Variants in MICALL1 observed in about 807,000 individuals in gnomAD.
MICALL1 encodes MICAL like 1.
A neutral mutation model predicts 83.7 loss-of-function variants in MICALL1; 61 were observed. The observed-to-expected ratio is 0.73, with a 90% CI of 0.59 to 0.90. The LOEUF is 0.90. Ranked by LOEUF, MICALL1 falls within the 40% of genes least tolerant of loss-of-function variation. The probability of loss-of-function intolerance (pLI) is 0.00; values close to 1 mark genes in which losing one functional copy is unlikely to be tolerated. For synonymous variants in MICALL1, 481 were observed against 473.6 expected, an observed-to-expected ratio of 1.02 and a Z score of -0.20; for missense variants, 1,066 against 1,152.0, an observed-to-expected ratio of 0.93 and a Z score of 1.08.
chr22:37,912,422 C>T lies in MICALL1; in HGVS notation c.267C>T (p.Ser89=), dbSNP rs146083250. 46 of 1,614,016 alleles carry T rather than the reference C, an allele frequency of 2.9e-5. No individual in the cohort carries two copies. The African/African-American group carries it at 2.9e-4, about 10-fold the overall frequency. The part of the protein sequence containing the change: ...LLDPNDMVSM[S]VPDCLSIMTY... ...ACCCCAATGACATGGTCTCCATGAG[C>T]GTCCCTGACTGCCTCAGCATCATGA... The change falls in exon 3 of 16, where the codon AGC becomes AGT. Residue 89 remains serine, a synonymous_variant. Transcript: ENST00000215957.
rs750727475 is a variant in MICALL1 at position 37,925,789 on chromosome 22, A to G, written c.1211A>G (p.Asn404Ser). Reference protein sequence around the residue: ...PPSQDSRQVENGGTEEVAQPS... With the variant: ...PPSQDSRQVESGGTEEVAQPS... Reference sequence around the variant, plus strand: ...AGCCAGGACAGCAGGCAGGTGGAGAATGGAGGCACCGAGGAGGTGGCCCAG... The same window carrying G: ...AGCCAGGACAGCAGGCAGGTGGAGAGTGGAGGCACCGAGGAGGTGGCCCAG... Residue 404 changes from asparagine (N) to serine (S), a missense_variant, in exon 8 of 16, where the codon AAT becomes AGT. Transcript: ENST00000215957. 2 of 1,613,504 alleles carry G rather than the reference A, an allele frequency of 1.2e-6. No individual in the cohort carries two copies. Among genetic ancestry groups the G allele is most frequent in the East Asian group, 2.2e-5 (1 of 44,860 alleles).
At chr22:37,918,255 G>A (rs1004714185) in intron 4 of MICALL1, among the ~76,000 whole-genome samples, 4 of 152,220 alleles carry the variant, frequency 2.6e-5, no homozygotes, top group African/African-American at 7.2e-5. Flanking sequence ...ATACAGATGA[G>A]GAAACTGAGG....
intron 1 of MICALL1, among the ~76,000 whole-genome samples, chr22:37,907,647 G>C (rs960076666): frequency 2.6e-5 from 4 of 152,226 alleles, no homozygotes; most frequent in African/African-American, 9.6e-5. Context: ...ACTGTCCGAG[G>C]GCAGCATGTG....
At position 37,930,862 on chromosome 22, in the gene MICALL1, G is replaced by A. The variant is rs896565526; in HGVS notation, c.1882-937G>A. ...ACACTTCCTGGCTGGGTGACCCTGG[G>A]TGAGGAACTTCACCTCTCTGAGCCT... On this transcript the variant is annotated intron_variant, in intron 9 of 15. Transcript: ENST00000215957. The surrounding 1 kb of genome is among the most constrained non-coding windows in gnomAD (Gnocchi z 4.8). 6.6e-6 allele frequency among the ~76,000 whole-genome samples: 1 copy of A among 152,242 alleles called. No homozygotes were observed. Among genetic ancestry groups the A allele is most frequent in the African/African-American group, 2.4e-5 (1 of 41,462 alleles).
At chr22:37,918,702 G>A (rs1055314628) in intron 4 of MICALL1, among the ~76,000 whole-genome samples, 3 of 152,356 alleles carry the variant, frequency 2.0e-5, no homozygotes, top group African/African-American at 7.2e-5. Flanking sequence ...GGCAGGAGCC[G>A]CCAAGGGGAA....
At chr22:37,929,870 G>A (rs1191995322) in intron 9 of MICALL1, among the ~76,000 whole-genome samples, 1 of 152,236 alleles carries the variant, frequency 6.6e-6, no homozygotes, top group Non-Finnish European at 1.5e-5. Context: ...GCCTGACCCT[G>A]CCCATGTGCC....
At chr22:37,915,010 C>A (rs1189678805) in intron 3 of MICALL1, among the ~76,000 whole-genome samples, 2 of 151,252 alleles carry the variant, frequency 1.3e-5, no homozygotes, top group South Asian at 4.3e-4. Flanking sequence ...GTAATCCCAG[C>A]ACTTTGGGAG....
rs77215367 is a variant in MICALL1 at position 37,924,211 on chromosome 22, T to G, written c.1025-449T>G. Among the ~76,000 whole-genome samples the G allele has an allele frequency of 0.046, 7,042 of 152,278 alleles. 211 individuals are homozygous for G. The highest frequency in any genetic ancestry group is 0.069 in the Non-Finnish European group (4,720 of 68,002). ...ATTACTGTTCAGGCCTATCTGTGCCTTCAGGGTGCTCCCAGTGTTGAGGTG... is the reference window on the plus strand; with the variant it reads ...ATTACTGTTCAGGCCTATCTGTGCCGTCAGGGTGCTCCCAGTGTTGAGGTG... On this transcript the variant is annotated intron_variant, in intron 6 of 15. Coordinates refer to ENST00000215957, the MANE Select transcript of MICALL1 (RefSeq NM_033386.4). The surrounding 1 kb of genome is among the most constrained non-coding windows in gnomAD (Gnocchi z 5.2).
Position 37,919,076 on chromosome 22 carries a change from C to A in MICALL1, c.467C>A (p.Thr156Asn). ...TCAGGCAGCCTGTCAGAGCAGGGCA[C>A]CGGCCAGACCCCCAGCAGCACGTGC... The part of the protein sequence containing the change: ...LSSGSLSEQG[T>N]GQTPSSTCAA... Residue 156 changes from threonine (T) to asparagine (N), a missense_variant, in exon 5 of 16, where the codon ACC (threonine) becomes AAC (asparagine). Transcript: ENST00000215957. 1.3e-6 allele frequency: 2 copies of A among 1,552,298 alleles called. No homozygotes were observed. Among genetic ancestry groups the A allele is most frequent in the Non-Finnish European group, 1.7e-6 (2 of 1,147,728 alleles).
intron 1 of MICALL1, among the ~76,000 whole-genome samples, chr22:37,910,359 A>T (rs1928239985): frequency 6.6e-6 from 1 of 152,126 alleles, no homozygotes; most frequent in Non-Finnish European, 1.5e-5. Context: ...GGGTGACCGA[A>T]ATAAACGGCT....
At position 37,906,670 on chromosome 22, in the gene MICALL1, C is replaced by T. The variant is rs1056623631; in HGVS notation, c.146+102C>T. The T allele has an allele frequency of 4.8e-6, 5 of 1,049,604 alleles. No homozygotes were observed. The highest frequency in any genetic ancestry group is 5.9e-6 in the Non-Finnish European group (5 of 853,858). The allele number at this position is 1,049,604 out of a possible 1,614,324, so 65.0% of individuals were successfully genotyped here. On this transcript the variant is annotated intron_variant, in intron 1 of 15. Coordinates refer to ENST00000215957, the MANE Select transcript of MICALL1 (RefSeq NM_033386.4). The surrounding 1 kb of genome is among the most constrained non-coding windows in gnomAD (Gnocchi z 4.4). ...GAAGCCCGGGCGGTGACAGGCGCCG[C>T]CCCCGGACACGGAGACGCCGACCCC...
At position 37,924,910 on chromosome 22, in the gene MICALL1, T is replaced by A. The variant is rs1265075710; in HGVS notation, c.1082+193T>A. On this transcript the variant is annotated intron_variant, in intron 7 of 15. Transcript: ENST00000215957. This position sits in a 1 kb window ranked among gnomAD's most constrained non-coding sequence, Gnocchi z 5.2. Reference sequence around the variant, plus strand: ...TTCCTGCGGCCAGTGCCTGGCCCCCTCCCCAGGTCCCTGCTCCTGTGGGCA... The same window carrying A: ...TTCCTGCGGCCAGTGCCTGGCCCCCACCCCAGGTCCCTGCTCCTGTGGGCA... Among the ~76,000 whole-genome samples the A allele has an allele frequency of 2.0e-5, 3 of 152,080 alleles. No individual in the cohort carries two copies. Among genetic ancestry groups the A allele is most frequent in the Non-Finnish European group, 4.4e-5 (3 of 67,996 alleles).
intron 15 of MICALL1, among the ~76,000 whole-genome samples, chr22:37,940,008 T>G (rs1317039644): frequency 6.6e-6 from 1 of 151,048 alleles, no homozygotes; most frequent in Non-Finnish European, 1.5e-5. Flanking sequence ...GAGAATTTCT[T>G]GAACCAGGAG....
rs115237200 is a variant in MICALL1 at position 37,936,378 on chromosome 22, G to A, written c.2309-702G>A. ...CCCTGGGGTTCCCTGTTGTCTCCTC[G>A]CCCCTGCCCCACTCTGTCCCTCCTG... is the stretch of plus-strand genomic sequence containing the variant. On this transcript the variant is annotated intron_variant, in intron 13 of 15. Coordinates refer to ENST00000215957, the MANE Select transcript of MICALL1 (RefSeq NM_033386.4). 5.8e-3 allele frequency among the ~76,000 whole-genome samples: 882 copies of A among 152,230 alleles called. 6 individuals are homozygous for A. The highest frequency in any genetic ancestry group is 0.02 in the African/African-American group (850 of 41,522).
At chr22:37,916,193 G>A (rs566407087) in intron 3 of MICALL1, among the ~76,000 whole-genome samples, 4 of 152,302 alleles carry the variant, frequency 2.6e-5, no homozygotes, top group South Asian at 2.1e-4. Context: ...ACAGCTTACC[G>A]TGCTGAGTGT....
chr22:37,940,803 G>C lies in MICALL1; in HGVS notation c.2565G>C (p.Lys855Asn), dbSNP rs1601841913. Residue 855 changes from lysine to asparagine, a missense_variant, in exon 16 of 16, where the codon AAG becomes AAC. Coordinates refer to ENST00000215957, the MANE Select transcript of MICALL1 (RefSeq NM_033386.4). ...LKLLGNKRDA[K>N]SKSPRDKS ...TGCTAGGAAACAAACGTGATGCCAA[G>C]AGCAAGTCCCCCAGAGACAAGAGCT... 1.2e-6 allele frequency: 2 copies of C among 1,614,020 alleles called. No individual in the cohort carries two copies. Among genetic ancestry groups the C allele is most frequent in the Non-Finnish European group, 1.7e-6 (2 of 1,179,994 alleles).
rs1369406482 is a variant in MICALL1 at position 37,940,725 on chromosome 22, T to C, written c.2487T>C (p.Ala829=). ...GTGCTGCAGAGTTCCAGAGGGAGGC[T>C]GAACCTGAGGGCAAGAAGAAGGGGA... ...MIKKKEFQRE[A]EPEGKKKGKF... Residue 829 remains alanine (A), a synonymous_variant, in exon 16 of 16, where the codon GCT becomes GCC. Coordinates refer to ENST00000215957, the MANE Select transcript of MICALL1 (RefSeq NM_033386.4). The C allele has an allele frequency of 1.2e-6, 2 of 1,613,850 alleles. No homozygotes were observed. The highest frequency in any genetic ancestry group is 1.7e-6 in the Non-Finnish European group (2 of 1,179,912).
chr22:37,938,730 T>G (rs1930276404), intron 15 of MICALL1, among the ~76,000 whole-genome samples: 1 of 151,762 alleles, frequency 6.6e-6, no homozygotes, highest in South Asian at 2.1e-4. Context: ...CAAGCAATTC[T>G]GCTTCAGCTT....
In MICALL1 at chr22:37,921,869, G is replaced by A. The variant is rs1929052081; in HGVS notation, c.570-103G>A. 3 of 1,125,502 alleles carry A rather than the reference G, an allele frequency of 2.7e-6. No individual in the cohort carries two copies. In the South Asian group the frequency reaches 4.9e-5, roughly 18 times the overall value. 69.7% of individuals were successfully genotyped at this position (1,125,502 alleles called of 1,614,324 possible). A position where few individuals can be genotyped will look rare whatever the true frequency, so the allele number is the denominator to read the frequency against. On this transcript the variant is annotated intron_variant, in intron 5 of 15. Coordinates refer to ENST00000215957, the MANE Select transcript of MICALL1 (RefSeq NM_033386.4). ...TGGAGTCGAGCTTGGCTGGCAGTTG[G>A]GAGGAGGGAAGGGAGGAGACAGCCC...
Sources: allele counts gnomAD v4.1 joint callset (sites outside exome capture counted in the v4.1 genomes callset), GRCh38; gene constraint gnomAD v4.1.1; non-coding constraint Gnocchi (gnomAD v3.1); transcripts MANE v1.5; gene names NCBI Gene and HGNC (gene_info 2026-07-23, HGNC 2026-07-21).